CIMAP3: variants seen among roughly 807,000 people sequenced by gnomAD.
CIMAP3 encodes the protein ciliary microtubule-associated protein 3.
chr1:111,324,855 G>C, the CIMAP3 span: 1 of 985,292 alleles, frequency 1.0e-6, no homozygotes, highest in Non-Finnish European at 1.2e-6. Flanking sequence ...CCATATCATG[G>C]ATCAGACAGC....
At chr1:111,331,437 C>T in the CIMAP3 span, among the ~76,000 whole-genome samples, 1 of 152,202 alleles carries the variant, frequency 6.6e-6, no homozygotes, top group East Asian at 1.9e-4. Flanking sequence ...AAGGACATGT[C>T]TTTTAAGTTC....
the CIMAP3 span, chr1:111,351,166 GTT>G: frequency 0.019 from 10,812 of 566,956 alleles, 3 homozygotes; most frequent in African/African-American, 0.024. Flanking sequence ...ATAATGTACA[GTT>G]TTTTTTTTTT....
the CIMAP3 span, chr1:111,348,505 C>T: frequency 6.3e-7 from 1 of 1,588,908 alleles, no homozygotes; most frequent in Non-Finnish European, 8.5e-7. Flanking sequence ...TGATCTTTTT[C>T]TTGGAAACAG....
the CIMAP3 span, among the ~76,000 whole-genome samples, chr1:111,338,605 G>A: frequency 6.7e-3 from 1,025 of 151,926 alleles, 12 homozygotes; most frequent in African/African-American, 0.023. Context: ...AAAATCTAGA[G>A]GAAATCGATA....
the CIMAP3 span, among the ~76,000 whole-genome samples, chr1:111,341,814 T>G: frequency 6.6e-6 from 1 of 152,220 alleles, no homozygotes; most frequent in Non-Finnish European, 1.5e-5. Context: ...TAATGATCTA[T>G]GTTAATTTAC....
the CIMAP3 span, among the ~76,000 whole-genome samples, chr1:111,337,773 A>G: frequency 6.6e-6 from 1 of 152,204 alleles, no homozygotes; most frequent in Non-Finnish European, 1.5e-5. Context: ...CACTGTCAGC[A>G]TTAGACAGAT....
the CIMAP3 span, chr1:111,347,177 C>T: frequency 5.4e-6 from 6 of 1,112,810 alleles, no homozygotes; most frequent in African/African-American, 1.6e-5. Flanking sequence ...CATAAGAAAG[C>T]GCTCTGTTCT....
At chr1:111,335,409 C>A in the CIMAP3 span, among the ~76,000 whole-genome samples, 1 of 152,134 alleles carries the variant, frequency 6.6e-6, no homozygotes, top group Non-Finnish European at 1.5e-5. Context: ...TTGCCTCACT[C>A]AGGAAGTGCA....
the CIMAP3 span, among the ~76,000 whole-genome samples, chr1:111,339,911 CA>C: frequency 6.6e-6 from 1 of 151,662 alleles, no homozygotes; most frequent in Admixed American, 6.6e-5. Context: ...AATCCTAAGC[CA>C]AAAGAACAAA....
chr1:111,326,747 C>T, the CIMAP3 span, among the ~76,000 whole-genome samples: 1 of 152,080 alleles, frequency 6.6e-6, no homozygotes, highest in South Asian at 2.1e-4. Flanking sequence ...ATCTTCACCA[C>T]CATCTGTTAC....
At chr1:111,352,905 GTA>G in the CIMAP3 span, 1 of 152,134 alleles carries the variant, frequency 6.6e-6, no homozygotes, top group African/African-American at 2.4e-5. Flanking sequence ...CTCTAAAATA[GTA>G]ATCTGATTTG....
chr1:111,328,769 A>G, the CIMAP3 span, among the ~76,000 whole-genome samples: 1 of 152,210 alleles, frequency 6.6e-6, no homozygotes, highest in African/African-American at 2.4e-5. Context: ...TCTCTTGAAG[A>G]CAGCACACCA....
the CIMAP3 span, chr1:111,347,618 C>CTTTTTTTTTTTTTTTTTTTTTGTTTT: frequency 1.1e-6 from 1 of 928,432 alleles, no homozygotes. Flanking sequence ...GTTGTTTTTT[C>CTTTTTTTTTTTTTTTTTTTTTGTTTT]TTTCTTTTTT....
At chr1:111,335,869 G>A in the CIMAP3 span, among the ~76,000 whole-genome samples, 1 of 152,240 alleles carries the variant, frequency 6.6e-6, no homozygotes, top group East Asian at 1.9e-4. Flanking sequence ...GCACGCAGCT[G>A]GAGATCTGAG....
At chr1:111,325,996 GAA>G in the CIMAP3 span, among the ~76,000 whole-genome samples, 1 of 151,978 alleles carries the variant, frequency 6.6e-6, no homozygotes, top group African/African-American at 2.4e-5. Context: ...ATGAAAAGAG[GAA>G]GAGAGTGTAA....
the CIMAP3 span, chr1:111,348,649 A>G: frequency 1.9e-6 from 3 of 1,584,970 alleles, no homozygotes; most frequent in Non-Finnish European, 2.6e-6. Context: ...TATCCCAGGT[A>G]TGTCTCCTCC....
the CIMAP3 span, chr1:111,347,618 C>A: frequency 1.1e-6 from 1 of 928,430 alleles, no homozygotes; most frequent in Non-Finnish European, 1.6e-6. Flanking sequence ...GTTGTTTTTT[C>A]TTTCTTTTTT....
At chr1:111,350,977 C>G in the CIMAP3 span, among the ~76,000 whole-genome samples, 1 of 152,220 alleles carries the variant, frequency 6.6e-6, no homozygotes, top group Middle Eastern at 3.4e-3. Flanking sequence ...GGCAACAACT[C>G]AAGAATTAAA....
At chr1:111,340,203 A>G in the CIMAP3 span, among the ~76,000 whole-genome samples, 2 of 151,934 alleles carry the variant, frequency 1.3e-5, no homozygotes, top group East Asian at 3.8e-4. Context: ...ACAAAAATCA[A>G]TTCAAGATGG....
Sources: allele counts gnomAD v4.1 joint callset (sites outside exome capture counted in the v4.1 genomes callset), GRCh38; gene constraint gnomAD v4.1.1; transcripts MANE v1.5; gene names NCBI Gene and HGNC (gene_info 2026-07-23, HGNC 2026-07-21).